The following PRPF19 variants were observed in gnomAD, a reference collection of about 807,000 sequenced individuals.
PRPF19 encodes the protein pre-mRNA processing factor 19.
In PRPF19, 2 loss-of-function variants were observed where a neutral mutation model predicts 64.2. That is an observed-to-expected ratio of 0.03 (90% CI 0.01 to 0.10). The LOEUF is 0.10. Among genes scored for constraint, PRPF19 ranks in the 10% least tolerant of loss-of-function variants. The pLI is 1.00. For synonymous variants in PRPF19, 226 were observed against 251.6 expected (o/e 0.90, Z 0.96); for missense variants, 314 against 650.0 (o/e 0.48, Z 5.62).
At chr11:60,893,806 T>C (rs1303303683) in intron 15 of PRPF19, among the ~76,000 whole-genome samples, 1 of 151,774 alleles carries the variant, frequency 6.6e-6, no homozygotes, top group African/African-American at 2.4e-5. Context: ...AATACAAAAA[T>C]TAGCCGGGTG....
chr11:60,902,620 A>G lies in PRPF19; in HGVS notation c.425T>C (p.Val142Ala). Residue 142 changes from valine (V) to alanine (A), a missense_variant, in exon 5 of 16, where the codon GTG becomes GCG. Physicochemically the swap from Val to Ala is moderately conservative, Grantham distance 64 (BLOSUM62 0). Transcript: ENST00000227524. This position sits in a 1 kb window ranked among gnomAD's most constrained non-coding sequence, Gnocchi z 5.0. ...ATLKPQAGLI[V>A]PQAVPSSQPS... ...TTGGGAACTTGGCACAGCCTGGGGC[A>G]CAATGAGGCCAGCCTGTGGTTTCAG... 1 of 1,614,220 alleles carries G rather than the reference A, an allele frequency of 6.2e-7. No homozygotes were observed. The highest frequency in any genetic ancestry group is 8.5e-7 in the Non-Finnish European group (1 of 1,180,020).
chr11:60,901,411 C>T lies in PRPF19; in HGVS notation c.568-42G>A, dbSNP rs764794260. On this transcript the variant is annotated intron_variant, in intron 7 of 15. Transcript: ENST00000227524. ...CCCCCAAAGAAGAGCAGCAATGAAT[C>T]CAAGATTCAGCCGCCCTCTCTCTCC... The T allele has an allele frequency of 5.0e-6, 8 of 1,613,846 alleles. No individual in the cohort carries two copies. In the Admixed American group the frequency reaches 1.3e-4, roughly 27 times the overall value.
chr11:60,902,900 A>G lies in PRPF19; in HGVS notation c.247-19T>C, dbSNP rs1565111893. The G allele has an allele frequency of 1.2e-6, 2 of 1,611,134 alleles. No homozygotes were observed. The highest frequency in any genetic ancestry group is 1.7e-6 in the Non-Finnish European group (2 of 1,179,450). Reference sequence around the variant, plus strand: ...CTGCATCCTGGGAGAAGCAAATATCATTGTAAGGTGAGGTGGGGGGTGCAG... The same window carrying G: ...CTGCATCCTGGGAGAAGCAAATATCGTTGTAAGGTGAGGTGGGGGGTGCAG... On this transcript the variant is annotated intron_variant, in intron 3 of 15. Coordinates refer to ENST00000227524, the MANE Select transcript of PRPF19 (RefSeq NM_014502.5). The surrounding 1 kb of genome is among the most constrained non-coding windows in gnomAD (Gnocchi z 5.0).
At position 60,897,909 on chromosome 11, in the gene PRPF19, G is replaced by C. The variant is rs763832101; in HGVS notation, c.1354C>G (p.Leu452Val). Reference protein sequence around the residue: ...IFDQSGTYLALGGTDVQIYIC... With the variant: ...IFDQSGTYLAVGGTDVQIYIC... Reference sequence around the variant, plus strand: ...TAGATCTGGACATCCGTGCCCCCAAGAGCCAGGTAGGTACCACTCTGGTCA... The same window carrying C: ...TAGATCTGGACATCCGTGCCCCCAACAGCCAGGTAGGTACCACTCTGGTCA... The change falls in exon 15 of 16, where the codon CTT (leucine) becomes GTT (valine). Residue 452 changes from leucine to valine, a missense_variant. This residue lies in a region of PRPF19 where 47 missense variants were observed against 94.5 expected (regional missense o/e 0.50). Transcript: ENST00000227524. The C allele has an allele frequency of 6.2e-7, 1 of 1,613,874 alleles. No homozygotes were observed. Among genetic ancestry groups the C allele is most frequent in the East Asian group, 2.2e-5 (1 of 44,886 alleles).
At position 60,900,636 on chromosome 11, in the gene PRPF19, A is replaced by G. The variant is rs1486318739; in HGVS notation, c.774T>C (p.Ala258=). 1 of 1,559,168 alleles carries G rather than the reference A, an allele frequency of 6.4e-7. No individual in the cohort carries two copies. The highest frequency in any genetic ancestry group is 8.7e-7 in the Non-Finnish European group (1 of 1,150,004). The change falls in exon 10 of 16, where the codon GCT becomes GCC. Residue 258 remains alanine (A), a synonymous_variant. Coordinates refer to ENST00000227524, the MANE Select transcript of PRPF19 (RefSeq NM_014502.5). ...VFDKSSEQIL[A]TLKGHTKKVT... ...CCTTCTTGGTATGGCCTTTGAGGGT[A>G]GCCAGGATTTGTTCAGAACTTTTGT...
rs1458264627 is a variant in PRPF19 at position 60,898,783 on chromosome 11, T to A, written c.1054+79A>T. 6.7e-7 allele frequency: 1 copy of A among 1,501,752 alleles called. No individual in the cohort carries two copies. The highest frequency in any genetic ancestry group is 2.5e-5 in the East Asian group (1 of 40,804). 93.0% of individuals were successfully genotyped at this position (1,501,752 alleles called of 1,614,324 possible). ...ATGGTAAATATATCTTTAGAACAAA[T>A]AAACAAATGACTAAATAAAATGTAA... On this transcript the variant is annotated intron_variant, in intron 12 of 15. Transcript: ENST00000227524. The surrounding 1 kb of genome is among the most constrained non-coding windows in gnomAD (Gnocchi z 4.6).
At chr11:60,897,380 T>A (rs190524159) in intron 15 of PRPF19, among the ~76,000 whole-genome samples, 23 of 152,378 alleles carry the variant, frequency 1.5e-4, no homozygotes, top group Non-Finnish European at 3.1e-4. Flanking sequence ...AAGTTCACTC[T>A]ACAATGGTCG....
chr11:60,903,124 C>A (rs1328536644), intron 3 of PRPF19, among the ~76,000 whole-genome samples: 2 of 152,182 alleles, frequency 1.3e-5, no homozygotes. Context: ...CCTTCCCTAA[C>A]TTACTGGCAA....
At chr11:60,903,948 C>T in intron 1 of PRPF19, 87 bp from the exon 2 acceptor site, 2 of 1,493,150 alleles carry the variant, frequency 1.3e-6, no homozygotes. Flanking sequence ...CCCAACAAGA[C>T]TAGGCATCCT....
chr11:60,899,304 C>G lies in PRPF19; in HGVS notation c.829G>C (p.Asp277His). ...VTSVVFHPSQDLVFSASPDAT... is the reference protein window; with the variant it reads ...VTSVVFHPSQHLVFSASPDAT... ...TCGGGGGAAGCAGAAAACACCAGGT[C>G]CTACAAGGAAAACAAAGACAGAATA... Residue 277 changes from aspartate (D) to histidine (H), a missense_variant and splice_region_variant, in exon 11 of 16, where the codon GAC (aspartate) becomes CAC (histidine). Physicochemically the swap from Asp to His is moderately conservative, Grantham distance 81 (BLOSUM62 -1). This residue lies in a region of PRPF19 where 175 missense variants were observed against 342.9 expected (regional missense o/e 0.51). Transcript: ENST00000227524. 1.2e-6 allele frequency: 2 copies of G among 1,609,400 alleles called. No individual in the cohort carries two copies. The highest frequency in any genetic ancestry group is 1.7e-6 in the Non-Finnish European group (2 of 1,175,864).
rs1855988273 is a variant in PRPF19, at chr11:60,902,015, C to T, written c.525+388G>A. Among the ~76,000 whole-genome samples, 1 of 152,110 alleles carries T rather than the reference C, an allele frequency of 6.6e-6. No individual in the cohort carries two copies. The highest frequency in any genetic ancestry group is 2.4e-5 in the African/African-American group (1 of 41,422). Reference sequence around the variant, plus strand: ...CAAAATAAGGATTATAATTCCTATCCTATTGCCCTCATAGAAAAAAAACAA... The same window carrying T: ...CAAAATAAGGATTATAATTCCTATCTTATTGCCCTCATAGAAAAAAAACAA... On this transcript the variant is annotated intron_variant, in intron 6 of 15. Coordinates refer to ENST00000227524, the MANE Select transcript of PRPF19 (RefSeq NM_014502.5). This position sits in a 1 kb window ranked among gnomAD's most constrained non-coding sequence, Gnocchi z 5.0.
rs372794680 is a variant in PRPF19, at chr11:60,898,635, G to A, written c.1055-9C>T. Reference sequence around the variant, plus strand: ...CTGTGCACAGGTGAGAGCTGTGGAGGAGGGAAGAGAGACCTGTGGTCAGAG... The same window carrying A: ...CTGTGCACAGGTGAGAGCTGTGGAGAAGGGAAGAGAGACCTGTGGTCAGAG... On this transcript the variant is annotated splice_polypyrimidine_tract_variant and intron_variant, in intron 12 of 15. Coordinates refer to ENST00000227524, the MANE Select transcript of PRPF19 (RefSeq NM_014502.5). The surrounding 1 kb of genome is among the most constrained non-coding windows in gnomAD (Gnocchi z 4.6). 1.1e-5 allele frequency: 18 copies of A among 1,613,968 alleles called. No individual in the cohort carries two copies. In the African/African-American group the frequency reaches 2.1e-4, roughly 19 times the overall value.
At position 60,906,488 on chromosome 11, in the gene PRPF19, G is replaced by A. The variant is rs1398541917; in HGVS notation, c.-106C>T. The A allele has an allele frequency of 2.4e-6, 3 of 1,271,958 alleles. No individual in the cohort carries two copies. The highest frequency in any genetic ancestry group is 1.5e-5 in the African/African-American group (1 of 66,454). 78.8% of individuals were successfully genotyped at this position (1,271,958 alleles called of 1,614,324 possible). ...CCCGCTGCTGCCGGGACTGCTCCGC[G>A]GCGAGCTGGGAGCCGCCAGCCGAGC... On this transcript the variant is annotated 5_prime_UTR_variant, in exon 1 of 16. Transcript: ENST00000227524.
Position 60,903,705 on chromosome 11 carries a change from T to C in PRPF19, c.169+7A>G. 4 of 1,588,654 alleles carry C rather than the reference T, an allele frequency of 2.5e-6. No homozygotes were observed. Among genetic ancestry groups the C allele is most frequent in the East Asian group, 2.2e-5 (1 of 44,602 alleles). The stretch of plus-strand genomic sequence containing the variant: ...GATGGCCCTAGACTAAGGCAGCCAA[T>C]AGGCACCTTTGATGTCGATGAGCTG... On this transcript the variant is annotated splice_region_variant and intron_variant, in intron 2 of 15. Coordinates refer to ENST00000227524, the MANE Select transcript of PRPF19 (RefSeq NM_014502.5).
chr11:60,906,467 C>A lies in PRPF19; in HGVS notation c.-85G>T. ...TCCGCGAGCCACTTCCGGTCCCCCG[C>A]TGCTGCCGGGACTGCTCCGCGGCGA... On this transcript the variant is annotated 5_prime_UTR_variant, in exon 1 of 16. Transcript: ENST00000227524. 7.0e-7 allele frequency: 1 copy of A among 1,435,718 alleles called. No individual in the cohort carries two copies. The highest frequency in any genetic ancestry group is 9.5e-7 in the Non-Finnish European group (1 of 1,054,998). 88.9% of individuals were successfully genotyped at this position (1,435,718 alleles called of 1,614,324 possible).
chr11:60,900,478 G>T, intron 10 of PRPF19, 104 bp downstream of exon 10: 3 of 951,750 alleles, frequency 3.2e-6, no homozygotes, highest in South Asian at 1.6e-5. Context: ...AGGAGTCAGA[G>T]TCAGAGCTCT....
intron 15 of PRPF19, among the ~76,000 whole-genome samples, chr11:60,895,138 A>C (rs916720661): frequency 6.6e-6 from 1 of 152,256 alleles, no homozygotes; most frequent in Non-Finnish European, 1.5e-5. Flanking sequence ...TGATCTTTGC[A>C]TCTTGGAAAC....
Position 60,901,176 on chromosome 11 carries a change from C to G in PRPF19, c.642+119G>C, listed in dbSNP as rs781093377. Reference sequence around the variant, plus strand: ...CAGCAGCCCAGGCGAGAAACAGCACCAGGAACAGCGCCAGGAACCTGGGAC... The same window carrying G: ...CAGCAGCCCAGGCGAGAAACAGCACGAGGAACAGCGCCAGGAACCTGGGAC... On this transcript the variant is annotated intron_variant, in intron 8 of 15. Coordinates refer to ENST00000227524, the MANE Select transcript of PRPF19 (RefSeq NM_014502.5). The G allele has an allele frequency of 5.9e-6, 7 of 1,183,942 alleles. No individual in the cohort carries two copies. In the East Asian group the frequency reaches 1.7e-4, roughly 29 times the overall value. 73.3% of individuals were successfully genotyped at this position (1,183,942 alleles called of 1,614,324 possible).
At position 60,906,224 on chromosome 11, in the gene PRPF19, G is replaced by A. The variant is rs1198656086; in HGVS notation, c.19+140C>T. 7.5e-6 allele frequency: 10 copies of A among 1,339,806 alleles called. No homozygotes were observed. In the South Asian group the frequency reaches 8.2e-5, roughly 11 times the overall value. The allele number at this position is 1,339,806 out of a possible 1,614,324, so 83.0% of individuals were successfully genotyped here. Reference sequence around the variant, plus strand: ...CCCCGCTCCGACGGGGGGGGCTCCGGTGCTGACAGGCCGCCGCTCGGCCTC... The same window carrying A: ...CCCCGCTCCGACGGGGGGGGCTCCGATGCTGACAGGCCGCCGCTCGGCCTC... On this transcript the variant is annotated intron_variant, in intron 1 of 15. Coordinates refer to ENST00000227524, the MANE Select transcript of PRPF19 (RefSeq NM_014502.5).
Sources: gnomAD v4.1 joint callset for allele counts (sites outside exome capture counted in the v4.1 genomes callset) on GRCh38, gnomAD v4.1.1 for gene constraint, gnomAD v4.1.1 regional missense constraint, Gnocchi (gnomAD v3.1) non-coding constraint, MANE v1.5 for transcripts, NCBI Gene and HGNC (gene_info 2026-07-23, HGNC 2026-07-21) for gene names.